SNX29: variants seen among roughly 807,000 people sequenced by gnomAD.
The protein encoded by SNX29 is sorting nexin 29.
SNX29 carries 78 observed loss-of-function variants against 102.1 expected under a neutral mutation model. The ratio of observed to expected loss-of-function variants is 0.76; its 90% CI spans 0.64 to 0.92. The LOEUF (loss-of-function observed/expected upper bound fraction) is 0.92. Among genes scored for constraint, SNX29 ranks in the 40% least tolerant of loss-of-function variants. The probability of loss-of-function intolerance (pLI) is 0.00; values close to 1 mark genes in which losing one functional copy is unlikely to be tolerated. For missense variants in SNX29, 1,280 were observed against 1,061.7 expected, an observed-to-expected ratio of 1.21 and a Z score of -2.86; for synonymous variants, 580 against 414.5, an observed-to-expected ratio of 1.40 and a Z score of -4.85.
intron 11 of SNX29, among the ~76,000 whole-genome samples, chr16:12,099,654 T>C (rs1048901347): frequency 6.6e-5 from 10 of 152,206 alleles, no homozygotes; most frequent in African/African-American, 2.4e-4. Flanking sequence ...CCATGCCCTC[T>C]ACCCTTTTGT....
intron 13 of SNX29, among the ~76,000 whole-genome samples, chr16:12,194,975 A>C (rs939032494): frequency 6.6e-6 from 1 of 152,296 alleles, no homozygotes; most frequent in East Asian, 1.9e-4. Flanking sequence ...GCTCTAGTAA[A>C]GTGCATTGTT....
At chr16:12,343,974 A>G (rs528891144) in intron 15 of SNX29, among the ~76,000 whole-genome samples, 3 of 152,340 alleles carry the variant, frequency 2.0e-5, no homozygotes, top group African/African-American at 7.2e-5. Context: ...GGAGGGACCC[A>G]GTGTGAGATA....
At chr16:12,324,637 A>C (rs2081061669) in intron 15 of SNX29, among the ~76,000 whole-genome samples, 4 of 152,064 alleles carry the variant, frequency 2.6e-5, no homozygotes, top group African/African-American at 9.7e-5. Context: ...GTCTAAGCCC[A>C]TTTGTGAATT....
At chr16:12,265,517 C>G (rs2078901146) in intron 14 of SNX29, among the ~76,000 whole-genome samples, 1 of 151,914 alleles carries the variant, frequency 6.6e-6, no homozygotes, top group Non-Finnish European at 1.5e-5. Context: ...GACAGGTGTT[C>G]TGATTTTAAA....
intron 20 of SNX29, among the ~76,000 whole-genome samples, chr16:12,538,854 C>G (rs569829883): frequency 3.9e-5 from 6 of 152,220 alleles, no homozygotes; most frequent in East Asian, 3.9e-4. Context: ...AAGAGGGGCA[C>G]AGAGAACGGT....
intron 20 of SNX29, among the ~76,000 whole-genome samples, chr16:12,564,934 TAAAA>T (rs6145751): frequency 0.014 from 1,964 of 144,880 alleles, 33 homozygotes; most frequent in South Asian, 0.086. Flanking sequence ...ACCTTGGTGT[TAAAA>T]AAAAAAAAAA....
chr16:12,051,890 C>T lies in SNX29; in HGVS notation c.792C>T (p.Thr264=), dbSNP rs1343610976. 1.9e-6 allele frequency: 3 copies of T among 1,612,866 alleles called. No individual in the cohort carries two copies. Among genetic ancestry groups the T allele is most frequent in the South Asian group, 1.1e-5 (1 of 90,782 alleles). Residue 264 remains threonine, a synonymous_variant, in exon 8 of 21, where the codon ACC becomes ACT. Coordinates refer to ENST00000566228, the MANE Select transcript of SNX29 (RefSeq NM_032167.5). ...AGCGGAAGAAGAAAAAGAAAGTGAC[C>T]AACATAATCTCATTTGATGATGAGG... ...KKERKKKKKV[T]NIISFDDEED...
intron 13 of SNX29, among the ~76,000 whole-genome samples, chr16:12,191,664 G>GAC (rs1431990845): frequency 1.3e-5 from 2 of 152,230 alleles, no homozygotes; most frequent in Non-Finnish European, 2.9e-5. Flanking sequence ...CGGGGTTGGA[G>GAC]TTAGGGTCAG....
rs897285964 is a variant in SNX29 at position 12,069,615 on chromosome 16, A to G, written c.1319+483A>G. On this transcript the variant is annotated intron_variant, in intron 10 of 20. Transcript: ENST00000566228. ...AAGGGTCTTAGATCATTACTGCCTC[A>G]GAGAGACTGTATAAGAGATGGTAGA... is the stretch of plus-strand genomic sequence containing the variant. 2.6e-5 allele frequency among the ~76,000 whole-genome samples: 4 copies of G among 152,264 alleles called. No individual in the cohort carries two copies. The East Asian group carries it at 7.8e-4, about 30-fold the overall frequency.
chr16:12,330,566 C>T (rs754779938), intron 15 of SNX29, among the ~76,000 whole-genome samples: 1 of 152,190 alleles, frequency 6.6e-6, no homozygotes, highest in Non-Finnish European at 1.5e-5. Context: ...TCACCATTGT[C>T]ACCTTTTTAC....
At chr16:12,505,804 G>T (rs1033290286) in intron 19 of SNX29, among the ~76,000 whole-genome samples, 1 of 144,878 alleles carries the variant, frequency 6.9e-6, no homozygotes, top group African/African-American at 2.5e-5. Context: ...ATTTTGAGAA[G>T]GAATGACGTT....
chr16:12,552,448 A>G (rs979247819), intron 20 of SNX29, among the ~76,000 whole-genome samples: 6 of 152,180 alleles, frequency 3.9e-5, no homozygotes, highest in Admixed American at 2.6e-4. Flanking sequence ...CTGGAGTGAA[A>G]TACCTCGGGT....
At chr16:12,281,709 C>G (rs893136459) in intron 15 of SNX29, among the ~76,000 whole-genome samples, 15 of 152,146 alleles carry the variant, frequency 9.9e-5, no homozygotes, top group African/African-American at 3.1e-4. Flanking sequence ...GACACTCTTG[C>G]TGCCTCCAGT....
At chr16:12,512,419 GT>G (rs2089672688) in intron 19 of SNX29, among the ~76,000 whole-genome samples, 2 of 38,736 alleles carry the variant, frequency 5.2e-5, no homozygotes, top group African/African-American at 2.2e-4. Flanking sequence ...TATATATATA[GT>G]TTTCGGTTTT....
At chr16:12,527,990 A>T (rs1156954705) in intron 20 of SNX29, among the ~76,000 whole-genome samples, 2 of 147,384 alleles carry the variant, frequency 1.4e-5, no homozygotes, top group African/African-American at 2.5e-5. Flanking sequence ...ATGCCTGGCT[A>T]TTTTTTTTTT....
intron 16 of SNX29, among the ~76,000 whole-genome samples, chr16:12,393,109 G>A (rs2083589217): frequency 1.3e-5 from 2 of 152,206 alleles, no homozygotes; most frequent in Admixed American, 1.3e-4. Flanking sequence ...ATAGGGATGA[G>A]TGAGAAAGTG....
At chr16:12,314,930 A>G (rs147631555) in intron 15 of SNX29, among the ~76,000 whole-genome samples, 2 of 152,316 alleles carry the variant, frequency 1.3e-5, no homozygotes, top group East Asian at 3.9e-4. Flanking sequence ...CTTCTCAATA[A>G]TCCTTGAGTG....
intron 13 of SNX29, among the ~76,000 whole-genome samples, chr16:12,160,145 C>T (rs564631208): frequency 6.6e-6 from 1 of 152,206 alleles, no homozygotes; most frequent in Non-Finnish European, 1.5e-5. Context: ...GGAAATGATG[C>T]TGGTGAGGCC....
At position 12,367,960 on chromosome 16, in the gene SNX29, G is replaced by A. The variant is rs1003735776; in HGVS notation, c.1899+11681G>A. On this transcript the variant is annotated intron_variant, in intron 16 of 20. Transcript: ENST00000566228. The stretch of plus-strand genomic sequence containing the variant: ...GGAACCCACTTTAAACCTCTAGATC[G>A]AGAGAAGAAAAGCATCTCTTTGGGC... Among the ~76,000 whole-genome samples, 10 of 152,352 alleles carry A rather than the reference G, an allele frequency of 6.6e-5. No homozygotes were observed. The South Asian group carries it at 1.7e-3, about 25-fold the overall frequency.
Sources: gnomAD v4.1 joint callset for allele counts (sites outside exome capture counted in the v4.1 genomes callset) on GRCh38, gnomAD v4.1.1 for gene constraint, MANE v1.5 for transcripts, NCBI Gene and HGNC (gene_info 2026-07-23, HGNC 2026-07-21) for gene names.